The following KCNK2 variants were observed in gnomAD, a reference collection of about 807,000 sequenced individuals.
The protein encoded by KCNK2 is potassium two pore domain channel subfamily K member 2, also known as potassium channel subfamily K member 2.
Under a neutral mutation model 40.5 loss-of-function variants are expected in KCNK2, and 21 were observed. The ratio of observed to expected loss-of-function variants is 0.52; its 90% CI spans 0.37 to 0.75. The LOEUF is 0.75. Among genes scored for constraint, KCNK2 ranks in the 30% least tolerant of loss-of-function variants. KCNK2 has a pLI of 0.00. For missense variants in KCNK2, 399 were observed against 531.6 expected (o/e 0.75, Z 2.45); for synonymous variants, 191 against 202.2 (o/e 0.94, Z 0.47).
At chr1:215,232,880 C>CTA (rs983258988) in intron 6 of KCNK2, among the ~76,000 whole-genome samples, 12 of 152,092 alleles carry the variant, frequency 7.9e-5, no homozygotes, top group African/African-American at 2.7e-4. Context: ...TGCCCCAAGA[C>CTA]TTGAGACATG....
chr1:215,129,576 C>T (rs981932149), intron 3 of KCNK2, among the ~76,000 whole-genome samples: 7 of 151,938 alleles, frequency 4.6e-5, no homozygotes, highest in African/African-American at 1.7e-4. Flanking sequence ...AATAAATCAG[C>T]TATGTAAAGA....
intron 2 of KCNK2, among the ~76,000 whole-genome samples, chr1:215,097,545 C>T (rs1660032929): frequency 6.6e-6 from 1 of 151,436 alleles, no homozygotes; most frequent in Non-Finnish European, 1.5e-5. Flanking sequence ...TTTTCTTGTC[C>T]TCTGCTACCT....
intron 6 of KCNK2, among the ~76,000 whole-genome samples, chr1:215,225,120 T>C (rs1666335494): frequency 6.6e-6 from 1 of 152,230 alleles, no homozygotes; most frequent in Admixed American, 6.5e-5. Flanking sequence ...ACTTGGCATA[T>C]AATAGATATT....
At chr1:215,069,238 G>C (rs1349674) in intron 1 of KCNK2, among the ~76,000 whole-genome samples, 78,008 of 151,950 alleles carry the variant, frequency 0.51, 20,795 homozygotes, top group South Asian at 0.81. Flanking sequence ...ACCTATCTGC[G>C]CTTTGTTGGC....
intron 6 of KCNK2, among the ~76,000 whole-genome samples, chr1:215,207,542 T>G (rs998523810): frequency 6.6e-6 from 1 of 152,230 alleles, no homozygotes; most frequent in Non-Finnish European, 1.5e-5. Context: ...TGTTTCCTTA[T>G]GTAAGGTTGT....
At chr1:215,220,763 AAATGTTTTGGTTTTG>A (rs1211116756) in intron 6 of KCNK2, among the ~76,000 whole-genome samples, 1 of 152,224 alleles carries the variant, frequency 6.6e-6, no homozygotes, top group Non-Finnish European at 1.5e-5. Context: ...AAACATCATT[AAATGTTTTGGTTTTG>A]CTAAATACAT....
chr1:215,022,461 C>CGT (rs34397903), intron 1 of KCNK2, among the ~76,000 whole-genome samples: 66,670 of 151,810 alleles, frequency 0.44, 16,319 homozygotes, highest in Non-Finnish European at 0.55. Context: ...AAACAAGAGA[C>CGT]GTGTGTGGCT....
In KCNK2 at chr1:215,200,352, T is replaced by C. The variant is rs551905830; in HGVS notation, c.963+5260T>C. On this transcript the variant is annotated intron_variant, in intron 6 of 6. Coordinates refer to ENST00000444842, the MANE Select transcript of KCNK2 (RefSeq NM_001017425.3). Reference sequence around the variant, plus strand: ...AAATTTCACTCTGGGTGGCAATGACTGTTTCAGGAAAAGAGCTGGGACTTG... The same window carrying C: ...AAATTTCACTCTGGGTGGCAATGACCGTTTCAGGAAAAGAGCTGGGACTTG... Among the ~76,000 whole-genome samples the C allele has an allele frequency of 3.3e-5, 5 of 152,314 alleles. No individual in the cohort carries two copies. The South Asian group carries it at 1.0e-3, about 32-fold the overall frequency.
chr1:215,198,506 T>C (rs1369340048), intron 6 of KCNK2, among the ~76,000 whole-genome samples: 1 of 152,164 alleles, frequency 6.6e-6, no homozygotes, highest in Non-Finnish European at 1.5e-5. Flanking sequence ...TCTAAAGCAA[T>C]GGAAAACGAT....
intron 1 of KCNK2, among the ~76,000 whole-genome samples, chr1:215,086,162 G>A (rs937575571): frequency 6.6e-6 from 1 of 152,088 alleles, no homozygotes; most frequent in Admixed American, 6.6e-5. Context: ...TCCAATAGCA[G>A]CAGAGAGCAC....
intron 3 of KCNK2, among the ~76,000 whole-genome samples, chr1:215,131,883 C>G (rs1397703600): frequency 6.6e-6 from 1 of 152,090 alleles, no homozygotes; most frequent in Non-Finnish European, 1.5e-5. Context: ...TATTTTGAAC[C>G]TGCCACTGGG....
intron 2 of KCNK2, among the ~76,000 whole-genome samples, chr1:215,108,190 G>T (rs78924235): frequency 1.3e-4 from 20 of 152,110 alleles, no homozygotes; most frequent in Non-Finnish European, 2.4e-4. Flanking sequence ...CCTGGTGGCC[G>T]CTCACCTCCT....
chr1:215,171,564 AT>A (rs1420376466), intron 4 of KCNK2, among the ~76,000 whole-genome samples: 4 of 152,244 alleles, frequency 2.6e-5, no homozygotes, highest in Admixed American at 2.6e-4. Context: ...CTCCATTTTC[AT>A]ATGGTTCTGG....
intron 1 of KCNK2, among the ~76,000 whole-genome samples, chr1:215,070,369 T>C (rs1658708320): frequency 7.1e-6 from 1 of 140,542 alleles, no homozygotes; most frequent in South Asian, 2.2e-4. Context: ...TGAGCCGAGA[T>C]TGCACCACTG....
At chr1:215,152,838 A>G (rs781677909) in intron 3 of KCNK2, among the ~76,000 whole-genome samples, 2 of 138,340 alleles carry the variant, frequency 1.4e-5, no homozygotes, top group Non-Finnish European at 2.9e-5. Flanking sequence ...GTTTAGTCAG[A>G]GTTACTTACA....
chr1:215,169,124 G>A (rs1663580224), intron 3 of KCNK2, 75 bp from the exon 4 acceptor site: 1 of 1,238,832 alleles, frequency 8.1e-7, no homozygotes, highest in Non-Finnish European at 1.1e-6. Flanking sequence ...ATTTTTTGGA[G>A]TTTCTGAATC....
At chr1:215,226,530 T>G (rs1342165919) in intron 6 of KCNK2, among the ~76,000 whole-genome samples, 1 of 152,124 alleles carries the variant, frequency 6.6e-6, no homozygotes, top group African/African-American at 2.4e-5. Flanking sequence ...TTTCACCATG[T>G]TAGCCAGGAT....
chr1:215,178,206 T>G (rs1336875081), intron 5 of KCNK2, among the ~76,000 whole-genome samples: 1 of 152,168 alleles, frequency 6.6e-6, no homozygotes, highest in African/African-American at 2.4e-5. Context: ...TTTTGTACAT[T>G]GATTTTGTAT....
At position 215,198,321 on chromosome 1, in the gene KCNK2, G is replaced by T. The variant is rs945394916; in HGVS notation, c.963+3229G>T. Among the ~76,000 whole-genome samples the T allele has an allele frequency of 2.6e-5, 4 of 152,208 alleles. No homozygotes were observed. The East Asian group carries it at 7.7e-4, about 29-fold the overall frequency. On this transcript the variant is annotated intron_variant, in intron 6 of 6. Transcript: ENST00000444842. ...CTGGACAGGGGAGCCAGTTGAAATG[G>T]AGCTTTCAATTGGAGTAGATATGTG...
Sources: gnomAD v4.1 joint callset for allele counts (sites outside exome capture counted in the v4.1 genomes callset) on GRCh38, gnomAD v4.1.1 for gene constraint, MANE v1.5 for transcripts, NCBI Gene and HGNC (gene_info 2026-07-23, HGNC 2026-07-21) for gene names.